MSANTD4: variants seen among roughly 807,000 people sequenced by gnomAD.
MSANTD4 encodes myb/SANT-like DNA-binding domain-containing protein 4.
MSANTD4 carries 13 observed loss-of-function variants against 34.3 expected under a neutral mutation model. The observed-to-expected ratio is 0.38, with a 90% CI of 0.25 to 0.60. The LOEUF (loss-of-function observed/expected upper bound fraction) is 0.60, where lower values mean the gene tolerates loss of function less well. Ranked by LOEUF, MSANTD4 falls within the 20% of genes least tolerant of loss-of-function variation. The pLI is 0.63. For synonymous variants in MSANTD4, 137 were observed against 145.2 expected, an observed-to-expected ratio of 0.94 and a Z score of 0.41; for missense variants, 358 against 401.8, an observed-to-expected ratio of 0.89 and a Z score of 0.93.
intron 2 of MSANTD4, 141 bp from the exon 3 acceptor site, chr11:106,010,251 T>A: frequency 8.9e-7 from 1 of 1,122,462 alleles, no homozygotes; most frequent in Non-Finnish European, 1.2e-6. Context: ...CTGAATTACT[T>A]GATGTCTGTA....
chr11:106,010,666 CCT>C lies in MSANTD4; in HGVS notation c.250_251del (p.Arg84AspfsTer6). 1 of 1,613,896 alleles carries C rather than the reference CCT, an allele frequency of 6.2e-7. No homozygotes were observed. Among genetic ancestry groups the C allele is most frequent in the Non-Finnish European group, 8.5e-7 (1 of 1,179,916 alleles). On this transcript the variant is annotated frameshift_variant, in exon 2 of 3. Transcript: ENST00000301919. LOFTEE classifies it high-confidence loss of function. ...CAACCAGCTTAATGTTGGCCTTCATCCTCTTTCTCTTCATAAGTGCTCGCCAG... is the reference window on the plus strand; with the variant it reads ...CAACCAGCTTAATGTTGGCCTTCATCCTTTCTCTTCATAAGTGCTCGCCAG... ...LDWRALMKRK[R>X]MKANIKLVGS...
intron 1 of MSANTD4, among the ~76,000 whole-genome samples, chr11:106,019,450 C>A (rs1413771750): frequency 6.6e-6 from 1 of 152,204 alleles, no homozygotes; most frequent in South Asian, 2.1e-4. Flanking sequence ...AGGCTACTGG[C>A]TACCATACTG....
rs908561829 is a variant in MSANTD4, at chr11:106,008,799, G to A, written c.*736C>T. 2.0e-5 allele frequency: 3 copies of A among 152,154 alleles called. No individual in the cohort carries two copies. The highest frequency in any genetic ancestry group is 2.0e-4 in the Admixed American group (3 of 15,270). The allele number at this position is 152,154 out of a possible 1,614,324, so 9.4% of individuals were successfully genotyped here. A position where few individuals can be genotyped will look rare whatever the true frequency, so the allele number is the denominator to read the frequency against. On this transcript the variant is annotated 3_prime_UTR_variant, in exon 3 of 3. Transcript: ENST00000301919. ...AGTGAGAAAAAGAATTCTTTTCAAAGTGACCCATTTTAGAAAATTTCTGAT... is the reference window on the plus strand; with the variant it reads ...AGTGAGAAAAAGAATTCTTTTCAAAATGACCCATTTTAGAAAATTTCTGAT...
At position 106,010,030 on chromosome 11, in the gene MSANTD4, G is replaced by A; in HGVS notation, c.543C>T (p.Pro181=). Residue 181 remains proline (P), a synonymous_variant, in exon 3 of 3, where the codon CCC becomes CCT. Coordinates refer to ENST00000301919, the MANE Select transcript of MSANTD4 (RefSeq NM_032424.3). ...SRRENELPDF[P]HIDEFFTLNS... is the part of the protein sequence containing the mutation. Reference sequence around the variant, plus strand: ...TAAGGGTAAAAAACTCATCAATGTGGGGGAAATCGGGAAGTTCATTTTCTC... The same window carrying A: ...TAAGGGTAAAAAACTCATCAATGTGAGGGAAATCGGGAAGTTCATTTTCTC... 2.5e-6 allele frequency: 4 copies of A among 1,601,674 alleles called. No homozygotes were observed. The highest frequency in any genetic ancestry group is 3.4e-6 in the Non-Finnish European group (4 of 1,179,612).
intron 1 of MSANTD4, among the ~76,000 whole-genome samples, chr11:106,012,235 A>T (rs1859718926): frequency 6.6e-6 from 1 of 152,212 alleles, no homozygotes; most frequent in South Asian, 2.1e-4. Flanking sequence ...AGACTAGTGC[A>T]CATTGCATGG....
chr11:106,019,615 G>A (rs1169840430), intron 1 of MSANTD4, among the ~76,000 whole-genome samples: 5 of 152,092 alleles, frequency 3.3e-5, no homozygotes, highest in Admixed American at 3.3e-4. Context: ...TTCTGTTCCA[G>A]GATCTCTTCA....
At chr11:106,010,188 T>C (rs1021447117) in intron 2 of MSANTD4, 78 bp from the exon 3 acceptor site, 1 of 1,369,814 alleles carries the variant, frequency 7.3e-7, no homozygotes, top group African/African-American at 1.5e-5. Flanking sequence ...CTTAAAAGCT[T>C]TCTGCGTCGT....
chr11:106,017,429 C>T (rs577902867), intron 1 of MSANTD4, among the ~76,000 whole-genome samples: 1 of 152,230 alleles, frequency 6.6e-6, no homozygotes, highest in Admixed American at 6.5e-5. Flanking sequence ...AGGTGATCAA[C>T]ATTATATTAA....
In MSANTD4 at chr11:106,021,906, C is replaced by T. The variant is rs1860052232; in HGVS notation, c.-1095G>A. 1 of 152,230 alleles carries T rather than the reference C, an allele frequency of 6.6e-6. No homozygotes were observed. The allele number at this position is 152,230 out of a possible 1,614,324, so 9.4% of individuals were successfully genotyped here. A position where few individuals can be genotyped will look rare whatever the true frequency, so the allele number is the denominator to read the frequency against. ...TGGGAGTCGGGGCAACCTGGAAGAT[C>T]TCCTCTCTCTGGGTATTAAATGAGA... is the stretch of plus-strand genomic sequence containing the variant. On this transcript the variant is annotated 5_prime_UTR_variant, in exon 1 of 3. Transcript: ENST00000301919.
chr11:106,017,064 T>C (rs1859872322), intron 1 of MSANTD4, among the ~76,000 whole-genome samples: 1 of 152,194 alleles, frequency 6.6e-6, no homozygotes, highest in Non-Finnish European at 1.5e-5. Context: ...GGTAAAAGCA[T>C]GGTAAAAATA....
intron 1 of MSANTD4, among the ~76,000 whole-genome samples, chr11:106,013,837 G>C (rs1356982784): frequency 6.6e-6 from 1 of 152,214 alleles, no homozygotes; most frequent in Non-Finnish European, 1.5e-5. Flanking sequence ...ACCCCAACCT[G>C]GGGGAAACAG....
At chr11:106,014,451 C>T (rs1485159056) in intron 1 of MSANTD4, among the ~76,000 whole-genome samples, 2 of 152,182 alleles carry the variant, frequency 1.3e-5, no homozygotes, top group Non-Finnish European at 2.9e-5. Flanking sequence ...TTTCTTTTCT[C>T]TTACTCTGTC....
chr11:106,012,803 C>G (rs146439642), intron 1 of MSANTD4, among the ~76,000 whole-genome samples: 2 of 152,214 alleles, frequency 1.3e-5, no homozygotes, highest in Non-Finnish European at 2.9e-5. Context: ...ACATGCCTCA[C>G]TCTCTTATCT....
chr11:106,017,736 T>TA (rs1859894335), intron 1 of MSANTD4, among the ~76,000 whole-genome samples: 1 of 152,084 alleles, frequency 6.6e-6, no homozygotes, highest in African/African-American at 2.4e-5. Flanking sequence ...TGTTAAGCGA[T>TA]AAAAAAATTT....
intron 1 of MSANTD4, among the ~76,000 whole-genome samples, chr11:106,018,058 G>A (rs1337470865): frequency 6.6e-6 from 1 of 151,708 alleles, no homozygotes; most frequent in Non-Finnish European, 1.5e-5. Context: ...GAGTGGCACT[G>A]TTCAATAGAA....
chr11:106,018,434 G>C (rs1404409375), intron 1 of MSANTD4, among the ~76,000 whole-genome samples: 1 of 152,118 alleles, frequency 6.6e-6, no homozygotes, highest in Non-Finnish European at 1.5e-5. Context: ...TCCCATCTCT[G>C]ACCAATTAAA....
At chr11:106,019,254 G>C (rs1300775065) in intron 1 of MSANTD4, among the ~76,000 whole-genome samples, 2 of 152,084 alleles carry the variant, frequency 1.3e-5, no homozygotes, top group African/African-American at 4.8e-5. Flanking sequence ...CTAAATTCTA[G>C]ATCAGTGCTG....
intron 1 of MSANTD4, among the ~76,000 whole-genome samples, chr11:106,020,081 A>C (rs1859983634): frequency 6.6e-6 from 1 of 152,236 alleles, no homozygotes; most frequent in African/African-American, 2.4e-5. Context: ...ATTAACAAAT[A>C]TTTCTTCACT....
At chr11:106,017,627 G>A (rs144363084) in intron 1 of MSANTD4, among the ~76,000 whole-genome samples, 13 of 152,000 alleles carry the variant, frequency 8.6e-5, no homozygotes, top group South Asian at 2.1e-4. Context: ...CAGAAAAATC[G>A]TTTATAATAG....
Sources: allele counts gnomAD v4.1 joint callset (sites outside exome capture counted in the v4.1 genomes callset), GRCh38; gene constraint gnomAD v4.1.1; transcripts MANE v1.5; gene names NCBI Gene and HGNC (gene_info 2026-07-23, HGNC 2026-07-21).